GPC5: variants seen among roughly 807,000 people sequenced by gnomAD.
The protein encoded by GPC5 is glypican 5.
Under a neutral mutation model 53.9 loss-of-function variants are expected in GPC5, and 47 were observed. That is an observed-to-expected ratio of 0.87 (90% CI 0.69 to 1.11). GPC5 has a LOEUF of 1.11. GPC5 is among the 50% of genes most tolerant of loss of function. The pLI is 0.00. For synonymous variants in GPC5, 286 were observed against 263.3 expected (o/e 1.09, Z -0.84); for missense variants, 748 against 713.1 (o/e 1.05, Z -0.56).
chr13:91,835,199 C>G (rs779864500), intron 5 of GPC5, among the ~76,000 whole-genome samples: 8 of 152,090 alleles, frequency 5.3e-5, no homozygotes, highest in Non-Finnish European at 1.0e-4. Flanking sequence ...CCATCTCATG[C>G]CAGTTGGAAT....
intron 7 of GPC5, among the ~76,000 whole-genome samples, chr13:92,566,978 C>A (rs1369840682): frequency 1.3e-5 from 2 of 151,968 alleles, no homozygotes; most frequent in Non-Finnish European, 2.9e-5. Context: ...TCATGATTGA[C>A]CTTTAAGGTC....
intron 7 of GPC5, among the ~76,000 whole-genome samples, chr13:92,601,575 A>G (rs1020250982): frequency 5.3e-5 from 8 of 151,042 alleles, no homozygotes; most frequent in East Asian, 3.9e-4. Flanking sequence ...AAAAAAAAAA[A>G]AAGAAGAAAC....
intron 7 of GPC5, among the ~76,000 whole-genome samples, chr13:92,855,479 G>A (rs1377959423): frequency 1.3e-5 from 2 of 151,802 alleles, no homozygotes; most frequent in African/African-American, 4.8e-5. Context: ...CCATTGCTTT[G>A]CTTTTTCAGC....
intron 5 of GPC5, among the ~76,000 whole-genome samples, chr13:91,899,595 C>T (rs1263740954): frequency 7.2e-5 from 11 of 151,960 alleles, no homozygotes; most frequent in African/African-American, 1.2e-4. Flanking sequence ...CTTTAGAATG[C>T]GACTTATTTG....
chr13:92,451,347 G>A (rs146011818), intron 7 of GPC5, among the ~76,000 whole-genome samples: 1 of 152,168 alleles, frequency 6.6e-6, no homozygotes, highest in African/African-American at 2.4e-5. Context: ...GAACAATCTG[G>A]TCTAGGTCTA....
intron 7 of GPC5, among the ~76,000 whole-genome samples, chr13:92,428,369 T>C (rs1876934196): frequency 1.3e-5 from 2 of 152,254 alleles, no homozygotes; most frequent in South Asian, 4.1e-4. Flanking sequence ...CCCTGTGTTA[T>C]AGTCACTTCC....
chr13:92,048,877 C>T (rs1445319946), intron 6 of GPC5, among the ~76,000 whole-genome samples: 1 of 152,054 alleles, frequency 6.6e-6, no homozygotes. Flanking sequence ...TATTGCTGGT[C>T]CTTAACAGTT....
intron 7 of GPC5, among the ~76,000 whole-genome samples, chr13:92,152,738 C>CAAA (rs11285676): frequency 2.8e-4 from 30 of 107,032 alleles, no homozygotes; most frequent in Non-Finnish European, 6.0e-4. Flanking sequence ...GACTCCATCT[C>CAAA]AAAAAAAAAA....
chr13:92,513,631 C>T (rs928807265), intron 7 of GPC5, among the ~76,000 whole-genome samples: 1 of 151,382 alleles, frequency 6.6e-6, no homozygotes, highest in Non-Finnish European at 1.5e-5. Flanking sequence ...AATGGTTTTA[C>T]AGGTTGAGTA....
intron 6 of GPC5, among the ~76,000 whole-genome samples, chr13:92,006,744 GAC>G (rs765355954): frequency 6.6e-6 from 1 of 152,214 alleles, no homozygotes. Flanking sequence ...AAGAGAGAGA[GAC>G]ACACACACAT....
chr13:91,612,478 G>T (rs1441194721), intron 2 of GPC5, among the ~76,000 whole-genome samples: 1 of 152,046 alleles, frequency 6.6e-6, no homozygotes, highest in African/African-American at 2.4e-5. Context: ...AGATTCTATG[G>T]AGCAGATATG....
At chr13:91,815,604 A>G (rs1464228743) in intron 5 of GPC5, among the ~76,000 whole-genome samples, 4 of 152,168 alleles carry the variant, frequency 2.6e-5, no homozygotes. Flanking sequence ...CTTAGTGAGC[A>G]CGATGTGAGG....
chr13:92,553,102 G>T (rs894558789), intron 7 of GPC5, among the ~76,000 whole-genome samples: 1 of 151,818 alleles, frequency 6.6e-6, no homozygotes, highest in African/African-American at 2.4e-5. Context: ...GCCAAAATTT[G>T]CATAATTGAT....
chr13:91,756,928 C>G (rs534814839), intron 5 of GPC5, among the ~76,000 whole-genome samples: 24 of 151,656 alleles, frequency 1.6e-4, no homozygotes, highest in Non-Finnish European at 2.8e-4. Context: ...GAGAGAGAGA[C>G]TATGTAATAG....
chr13:92,799,732 A>G (rs1876831820), intron 7 of GPC5, among the ~76,000 whole-genome samples: 1 of 151,764 alleles, frequency 6.6e-6, no homozygotes, highest in Non-Finnish European at 1.5e-5. Flanking sequence ...CGTCAACCCT[A>G]TCAAGGAAAC....
intron 6 of GPC5, among the ~76,000 whole-genome samples, chr13:91,924,111 C>T (rs1354471941): frequency 5.9e-5 from 9 of 152,006 alleles, no homozygotes; most frequent in African/African-American, 9.7e-5. Flanking sequence ...AATTCTTCAG[C>T]GTTTCAAAAA....
At chr13:91,591,344 C>A (rs146708128) in intron 2 of GPC5, among the ~76,000 whole-genome samples, 1,946 of 152,286 alleles carry the variant, frequency 0.013, 23 homozygotes, top group Non-Finnish European at 0.021. Flanking sequence ...TCTGACTTGA[C>A]CTTTCTTTCC....
intron 6 of GPC5, among the ~76,000 whole-genome samples, chr13:92,098,194 T>C (rs1289755127): frequency 6.6e-6 from 1 of 152,130 alleles, no homozygotes; most frequent in African/African-American, 2.4e-5. Flanking sequence ...AGTGTCCCAT[T>C]GGTCCCCTCT....
chr13:92,401,519 C>T (rs913576168), intron 7 of GPC5, among the ~76,000 whole-genome samples: 2 of 151,832 alleles, frequency 1.3e-5, no homozygotes, highest in African/African-American at 4.8e-5. Flanking sequence ...GTATAAAATT[C>T]GTAAAAATAG....
Sources: gnomAD v4.1 joint callset for allele counts (sites outside exome capture counted in the v4.1 genomes callset) on GRCh38, gnomAD v4.1.1 for gene constraint, MANE v1.5 for transcripts, NCBI Gene and HGNC (gene_info 2026-07-23, HGNC 2026-07-21) for gene names.